The following IGFL2 variants were observed in gnomAD, a reference collection of about 807,000 sequenced individuals.
The protein encoded by IGFL2 is IGF like family member 2.
A neutral mutation model predicts 13.9 loss-of-function variants in IGFL2; 7 were observed. That is an observed-to-expected ratio of 0.51 (90% CI 0.29 to 0.95). The LOEUF (loss-of-function observed/expected upper bound fraction) is 0.95. IGFL2 is among the 40% of genes least tolerant of loss of function. The pLI is 0.08. For synonymous variants in IGFL2, 55 were observed against 55.8 expected, an observed-to-expected ratio of 0.99 and a Z score of 0.07; for missense variants, 138 against 147.8, an observed-to-expected ratio of 0.93 and a Z score of 0.34.
chr19:46,125,273 G>A, the IGFL2 span, among the ~76,000 whole-genome samples: 2 of 152,220 alleles, frequency 1.3e-5, no homozygotes, highest in Non-Finnish European at 2.9e-5. Context: ...CTCCTGGTGT[G>A]CTTGGTGTGA....
At chr19:46,136,013 C>T in the IGFL2 span, among the ~76,000 whole-genome samples, 1 of 152,158 alleles carries the variant, frequency 6.6e-6, no homozygotes, top group Admixed American at 6.5e-5. Flanking sequence ...TTTCTAGCTG[C>T]ATTTAATATT....
chr19:46,171,819 G>T, the IGFL2 span, among the ~76,000 whole-genome samples: 59 of 152,178 alleles, frequency 3.9e-4, no homozygotes, highest in African/African-American at 1.4e-3. Flanking sequence ...GAACCAAAAG[G>T]ACATTCAGGA....
chr19:46,204,369 T>G, the IGFL2 span, among the ~76,000 whole-genome samples: 3 of 152,120 alleles, frequency 2.0e-5, no homozygotes, highest in African/African-American at 7.2e-5. Flanking sequence ...CCAGTCTAGA[T>G]GGTGTCTGTG....
the IGFL2 span, among the ~76,000 whole-genome samples, chr19:46,138,029 A>G: frequency 3.9e-5 from 6 of 152,110 alleles, no homozygotes; most frequent in African/African-American, 1.4e-4. Flanking sequence ...TATTTCAGCC[A>G]TTTCGGTCTG....
the IGFL2 span, among the ~76,000 whole-genome samples, chr19:46,087,932 T>G: frequency 0.013 from 2,049 of 152,284 alleles, 32 homozygotes; most frequent in Middle Eastern, 0.027. Context: ...CTTAGGAGTT[T>G]GTGGGACTCC....
At chr19:46,146,007 TA>T (rs374382057), upstream of IGFL2, among the ~76,000 whole-genome samples, 8 of 152,312 alleles carry the variant, frequency 5.3e-5, no homozygotes, top group South Asian at 2.1e-4. Flanking sequence ...AATCTGTTTT[TA>T]AAAAATGGAT....
At chr19:46,169,493 A>C in the IGFL2 span, among the ~76,000 whole-genome samples, 6 of 152,340 alleles carry the variant, frequency 3.9e-5, no homozygotes, top group African/African-American at 1.4e-4. Context: ...TGGATAAATA[A>C]ATAAATCTGT....
the IGFL2 span, among the ~76,000 whole-genome samples, chr19:46,114,576 A>C: frequency 6.6e-6 from 1 of 152,074 alleles, no homozygotes; most frequent in African/African-American, 2.4e-5. Flanking sequence ...ACATGGTGGG[A>C]GGTGATTGGA....
intron 1 of IGFL2, 75 bp from the exon 2 acceptor site, chr19:46,160,340 G>A: frequency 7.4e-7 from 1 of 1,350,518 alleles, no homozygotes; most frequent in South Asian, 1.2e-5. Context: ...TCCCCACCCT[G>A]GCCTGCCCTC....
chr19:46,184,985 T>G, the IGFL2 span, among the ~76,000 whole-genome samples: 35 of 152,372 alleles, frequency 2.3e-4, 2 homozygotes, highest in South Asian at 7.3e-3. Context: ...GATTTGCATT[T>G]CTCTGATGAC....
chr19:46,194,830 T>TTATATATA, the IGFL2 span, among the ~76,000 whole-genome samples: 50 of 46,758 alleles, frequency 1.1e-3, 2 homozygotes, highest in East Asian at 3.5e-3. Flanking sequence ...CTTCCTCATT[T>TTATATATA]TATATATATA....
chr19:46,182,634 G>T, the IGFL2 span, among the ~76,000 whole-genome samples: 1 of 152,194 alleles, frequency 6.6e-6, no homozygotes, highest in Admixed American at 6.5e-5. Context: ...AACTTGTTGT[G>T]TGAGTTGGAG....
the IGFL2 span, among the ~76,000 whole-genome samples, chr19:46,135,111 A>T: frequency 7.3e-5 from 11 of 149,664 alleles, no homozygotes; most frequent in Admixed American, 2.6e-4. Context: ...AAAAAGTTGT[A>T]CAGTTGGTTT....
chr19:46,089,845 G>A, the IGFL2 span, among the ~76,000 whole-genome samples: 1 of 151,924 alleles, frequency 6.6e-6, no homozygotes, highest in African/African-American at 2.4e-5. Flanking sequence ...TATTTGGATT[G>A]AATCTGGCTA....
chr19:46,165,659 G>A (rs538427887), downstream of IGFL2, among the ~76,000 whole-genome samples: 126 of 152,342 alleles, frequency 8.3e-4, 2 homozygotes, highest in Middle Eastern at 0.017. Flanking sequence ...GACAGGGCCC[G>A]ATTTCTGACC....
At chr19:46,135,312 T>A in the IGFL2 span, among the ~76,000 whole-genome samples, 3 of 152,212 alleles carry the variant, frequency 2.0e-5, no homozygotes, top group Non-Finnish European at 2.9e-5. Context: ...CTTTTGATGA[T>A]CATGTCTCCT....
rs199772350 is a variant in IGFL2, at chr19:46,160,705, C to T, written c.165C>T (p.Asp55=). ...CCTTGGAGCAGTGCTGTTACAATGA[C>T]GCCATCGTGTCCCTGAGCGAGACCC... ...YNPLEQCCYN[D]AIVSLSETRQ... Residue 55 remains aspartate (D), a synonymous_variant, in exon 3 of 4, where the codon GAC becomes GAT. Coordinates refer to ENST00000377693, the MANE Select transcript of IGFL2 (RefSeq NM_001135113.2). 5.0e-5 allele frequency: 80 copies of T among 1,614,140 alleles called. No homozygotes were observed. In the Middle Eastern group the frequency reaches 9.9e-4, roughly 20 times the overall value.
At chr19:46,135,795 G>A in the IGFL2 span, among the ~76,000 whole-genome samples, 9 of 152,360 alleles carry the variant, frequency 5.9e-5, no homozygotes, top group African/African-American at 1.9e-4. Context: ...TAACAGTTGT[G>A]TAAATGTTTA....
chr19:46,192,441 A>T, the IGFL2 span, among the ~76,000 whole-genome samples: 2 of 150,844 alleles, frequency 1.3e-5, no homozygotes, highest in African/African-American at 2.4e-5. Flanking sequence ...TTTTTTTGAA[A>T]TGGAGTCTCG....
Sources: allele counts gnomAD v4.1 joint callset (sites outside exome capture counted in the v4.1 genomes callset), GRCh38; gene constraint gnomAD v4.1.1; transcripts MANE v1.5; gene names NCBI Gene and HGNC (gene_info 2026-07-23, HGNC 2026-07-21).